NCOR2: variants seen among roughly 807,000 people sequenced by gnomAD.
The protein encoded by NCOR2 is CTG repeat protein 26.
A neutral mutation model predicts 262.9 loss-of-function variants in NCOR2; 81 were observed. That is an observed-to-expected ratio of 0.31 (90% confidence interval 0.26 to 0.37). The LOEUF is 0.37. Among genes scored for constraint, NCOR2 ranks in the 10% least tolerant of loss-of-function variants. The pLI is 1.00. For missense variants in NCOR2, 3,385 were observed against 3,621.4 expected, an observed-to-expected ratio of 0.93 and a Z score of 1.68; for synonymous variants, 1,659 against 1,559.3, an observed-to-expected ratio of 1.06 and a Z score of -1.51.
chr12:124,364,125 C>T (rs2038829812), intron 20 of NCOR2, among the ~76,000 whole-genome samples: 1 of 152,166 alleles, frequency 6.6e-6, no homozygotes, highest in Non-Finnish European at 1.5e-5. Flanking sequence ...TGCTAGAGGC[C>T]CAGGCTGGGA....
intron 13 of NCOR2, among the ~76,000 whole-genome samples, chr12:124,410,093 C>T (rs1337703431): frequency 6.6e-6 from 1 of 150,834 alleles, no homozygotes; most frequent in Non-Finnish European, 1.5e-5. Flanking sequence ...TGCCAGGGCC[C>T]CTCCCTCAGT....
At chr12:124,388,710 G>A (rs1475949104) in intron 16 of NCOR2, 3 of 1,304,296 alleles carry the variant, frequency 2.3e-6, no homozygotes, top group Non-Finnish European at 3.0e-6. Flanking sequence ...TCTCCCCCTC[G>A]GCCAAGTTTT....
At chr12:124,334,255 T>C in intron 41 of NCOR2, 169 bp downstream of exon 43, 1 of 532,990 alleles carries the variant, frequency 1.9e-6, no homozygotes. Context: ...TTATTCGTTA[T>C]GTATCCGCTC....
intron 1 of NCOR2, chr12:124,555,945 C>T (rs1020253351): frequency 1.3e-5 from 2 of 152,268 alleles, no homozygotes; most frequent in Admixed American, 6.5e-5. Flanking sequence ...GTGCTCCCAG[C>T]GTCAGGCAAT....
At chr12:124,373,230 A>AATC (rs200708472) in intron 19 of NCOR2, among the ~76,000 whole-genome samples, 143 of 145,338 alleles carry the variant, frequency 9.8e-4, no homozygotes, top group African/African-American at 3.7e-3. Flanking sequence ...CACAGTGGAC[A>AATC]ATGAGGCCAG....
intron 8 of NCOR2, 54 bp from the exon 11 acceptor site, chr12:124,430,841 G>A (rs913471496): frequency 1.7e-5 from 26 of 1,541,294 alleles, no homozygotes; most frequent in Admixed American, 1.4e-4. Context: ...GGCACCCGCC[G>A]CCTCCCCCCT....
rs545274478 is a variant in NCOR2 at position 124,402,569 on chromosome 12, A to AC, written c.1483-9dup. Reference sequence around the variant, plus strand: ...CTGCTGTTGTTGCTGCTGCTGTCAGACCCCGGGGGAGGGCAGAGGGGAGTG... The same window carrying AC: ...CTGCTGTTGTTGCTGCTGCTGTCAGACCCCCGGGGGAGGGCAGAGGGGAGTG... On this transcript the variant is annotated splice_polypyrimidine_tract_variant and intron_variant, in intron 13 of 46. Transcript: ENST00000405201. 186 of 1,549,544 alleles carry AC rather than the reference A, an allele frequency of 1.2e-4. 1 individual carries two copies. The South Asian group carries it at 2.1e-3, about 17-fold the overall frequency.
rs570144988 is a variant in NCOR2, at chr12:124,443,948, G to C, written c.815+5867C>G. On this transcript the variant is annotated intron_variant, in intron 7 of 46. Transcript: ENST00000405201. This position sits in a 1 kb window ranked among gnomAD's most constrained non-coding sequence, Gnocchi z 4.4. ...CAGGCTGGGAAACTGAGGCTTGGCT[G>C]CTCCTTTCAAAGGTCGCCCAGCTCC... Among the ~76,000 whole-genome samples the C allele has an allele frequency of 2.8e-4, 42 of 152,204 alleles. No homozygotes were observed. Among genetic ancestry groups the C allele is most frequent in the African/African-American group, 9.6e-4 (40 of 41,536 alleles).
chr12:124,492,950 C>G (rs1344155774), intron 1 of NCOR2, among the ~76,000 whole-genome samples: 1 of 152,212 alleles, frequency 6.6e-6, no homozygotes. Flanking sequence ...GCAGCTCCCC[C>G]AGGGAGGAGC....
chr12:124,430,886 G>A (rs1390990344), intron 8 of NCOR2, 99 bp from the exon 11 acceptor site: 17 of 1,417,014 alleles, frequency 1.2e-5, no homozygotes, highest in Admixed American at 1.1e-4. Context: ...ACAGGTGCGT[G>A]CGCACACACA....
chr12:124,546,769 G>A (rs957225823), intron 1 of NCOR2, among the ~76,000 whole-genome samples: 12 of 152,090 alleles, frequency 7.9e-5, no homozygotes, highest in Admixed American at 3.3e-4. Context: ...ATCTTGCACC[G>A]TCGCGTCCTG....
intron 7 of NCOR2, among the ~76,000 whole-genome samples, chr12:124,448,737 C>G (rs768840986): frequency 6.6e-6 from 1 of 152,224 alleles, no homozygotes. Context: ...TAGTCCAGCA[C>G]CAGCAGATGT....
intron 14 of NCOR2, 101 bp from the exon 17 acceptor site, chr12:124,400,774 C>T (rs2041948750): frequency 6.9e-7 from 1 of 1,446,372 alleles, no homozygotes; most frequent in African/African-American, 1.4e-5. Flanking sequence ...CACTGGCTGC[C>T]AGCCATGGCA....
intron 1 of NCOR2, among the ~76,000 whole-genome samples, chr12:124,555,476 G>C (rs528691838): frequency 1.8e-4 from 27 of 152,202 alleles, no homozygotes; most frequent in Non-Finnish European, 2.6e-4. Context: ...ATGTATACAT[G>C]CTCGGGTGTC....
At chr12:124,518,520 T>C (rs1172083680) in intron 1 of NCOR2, among the ~76,000 whole-genome samples, 1 of 152,218 alleles carries the variant, frequency 6.6e-6, no homozygotes, top group Non-Finnish European at 1.5e-5. Flanking sequence ...GGCTGGGCCG[T>C]GAACGAGACG....
At chr12:124,521,724 A>G (rs1331997882) in intron 1 of NCOR2, among the ~76,000 whole-genome samples, 1 of 152,172 alleles carries the variant, frequency 6.6e-6, no homozygotes, top group Non-Finnish European at 1.5e-5. Flanking sequence ...TGAACTGTTC[A>G]TGTTAAAATG....
At chr12:124,332,040 T>C in intron 43 of NCOR2, 1 of 427,770 alleles carries the variant, frequency 2.3e-6, no homozygotes, top group Non-Finnish European at 4.3e-6. Context: ...ATCCAACCCC[T>C]GGTCCCAGTA....
rs781019577 is a variant in NCOR2 at position 124,426,796 on chromosome 12, A to T, written c.1154T>A (p.Leu385Gln). Residue 385 changes from leucine (L) to glutamine (Q), a missense_variant, in exon 11 of 47, where the codon CTG (leucine) becomes CAG (glutamine). By Grantham distance (113) the Leu-to-Gln change is moderately radical. This residue lies in a region of NCOR2 where 515 missense variants were observed against 781.2 expected (regional missense o/e 0.66). Transcript: ENST00000405201. ...GGCCAGCTGGCGCATCTGCTTCTCC[A>T]GGTTCTGCAGGGAAACGGAGGGCAG... 30 of 1,575,258 alleles carry T rather than the reference A, an allele frequency of 1.9e-5. 1 individual carries two copies. The South Asian group carries it at 3.4e-4, about 18-fold the overall frequency.
At chr12:124,395,123 C>T (rs2041564747) in intron 16 of NCOR2, among the ~76,000 whole-genome samples, 1 of 152,170 alleles carries the variant, frequency 6.6e-6, no homozygotes, top group African/African-American at 2.4e-5. Flanking sequence ...TCCTGAGTGC[C>T]CCTGCCACAC....
Sources: gnomAD v4.1 joint callset for allele counts (sites outside exome capture counted in the v4.1 genomes callset) on GRCh38, gnomAD v4.1.1 for gene constraint, gnomAD v4.1.1 regional missense constraint, Gnocchi (gnomAD v3.1) non-coding constraint, MANE v1.5 for transcripts, NCBI Gene and HGNC (gene_info 2026-07-23, HGNC 2026-07-21) for gene names.